Variants in PRR14L observed in about 807,000 individuals in gnomAD.
The protein encoded by PRR14L is protein PRR14L.
In PRR14L, 80 loss-of-function variants were observed where a neutral mutation model predicts 155.0. The ratio of observed to expected loss-of-function variants is 0.52; its 90% CI spans 0.43 to 0.62. The LOEUF (loss-of-function observed/expected upper bound fraction) is 0.62, where lower values mean the gene tolerates loss of function less well. Among genes scored for constraint, PRR14L ranks in the 20% least tolerant of loss-of-function variants. PRR14L has a pLI of 0.00. For synonymous variants in PRR14L, 883 were observed against 916.0 expected (o/e 0.96, Z 0.65); for missense variants, 2,469 against 2,548.0 (o/e 0.97, Z 0.67).
intron 4 of PRR14L, among the ~76,000 whole-genome samples, chr22:31,707,878 G>T (rs1240877409): frequency 6.6e-6 from 1 of 152,110 alleles, no homozygotes; most frequent in Admixed American, 6.5e-5. Flanking sequence ...GGCCGGGCGC[G>T]GTGGCTTACG....
rs1216589190 is a variant in PRR14L, at chr22:31,738,503, T to C, written c.358A>G (p.Lys120Glu). ...TGGCCCCCTGGATCTCTGAAGACCT[T>C]TGGCTCCATGCTCTCGCTTCTCTTT... ...RAKRSESMEP[K>E]VFRDPGGQAG... The change falls in exon 2 of 9, where the codon AAG becomes GAG. Residue 120 changes from lysine to glutamate, a missense_variant. Physicochemically the swap from Lys to Glu is moderately conservative, Grantham distance 56. Around this residue, in one of 2 missense-constraint regions of PRR14L, gnomAD observed 2,363 missense variants for 2,371.6 expected, o/e 1.00. Coordinates refer to ENST00000327423, the MANE Select transcript of PRR14L (RefSeq NM_173566.3). 3.9e-6 allele frequency: 6 copies of C among 1,551,988 alleles called. No homozygotes were observed. Among genetic ancestry groups the C allele is most frequent in the East Asian group, 2.4e-5 (1 of 40,932 alleles).
intron 7 of PRR14L, among the ~76,000 whole-genome samples, chr22:31,690,079 G>T (rs2074503640): frequency 6.6e-6 from 1 of 152,168 alleles, no homozygotes; most frequent in Admixed American, 6.5e-5. Flanking sequence ...ACCACACCCA[G>T]CTAATTTTTG....
chr22:31,702,282 G>A (rs2074566891), intron 6 of PRR14L, among the ~76,000 whole-genome samples: 1 of 151,976 alleles, frequency 6.6e-6, no homozygotes, highest in Admixed American at 6.6e-5. Flanking sequence ...AAATGCAATG[G>A]CATGGTCTTG....
Position 31,736,112 on chromosome 22 carries a change from A to G in PRR14L, c.474+2275T>C, listed in dbSNP as rs1172579480. On this transcript the variant is annotated intron_variant, in intron 2 of 8. Transcript: ENST00000327423. ...TGCATGCCTGTAGTCCCAGCTACTC[A>G]GGAGGCTGAGGCAGGAGAATGGCGT... 3.3e-5 allele frequency among the ~76,000 whole-genome samples: 5 copies of G among 149,716 alleles called. No individual in the cohort carries two copies. In the East Asian group the frequency reaches 9.8e-4, roughly 29 times the overall value.
At chr22:31,701,455 G>T (rs1269931528) in intron 7 of PRR14L, among the ~76,000 whole-genome samples, 1 of 152,084 alleles carries the variant, frequency 6.6e-6, no homozygotes, top group Non-Finnish European at 1.5e-5. Context: ...TCATTTGGAG[G>T]GTTTACTAAG....
At chr22:31,736,582 A>C (rs758928748) in intron 2 of PRR14L, among the ~76,000 whole-genome samples, 1 of 152,152 alleles carries the variant, frequency 6.6e-6, no homozygotes, top group Non-Finnish European at 1.5e-5. Context: ...CCCAAAGAAC[A>C]TATGAACCTG....
Position 31,733,339 on chromosome 22 carries a change from C to T in PRR14L, c.474+5048G>A, listed in dbSNP as rs131248. On this transcript the variant is annotated intron_variant, in intron 2 of 8. Transcript: ENST00000327423. Reference sequence around the variant, plus strand: ...TTTTTTTTTGAGACGGAGTCTCGCTCTGTCACTCAGGCTGGAGTGCAGTGG... The same window carrying T: ...TTTTTTTTTGAGACGGAGTCTCGCTTTGTCACTCAGGCTGGAGTGCAGTGG... 7.7e-3 allele frequency among the ~76,000 whole-genome samples: 897 copies of T among 116,060 alleles called. 12 individuals carry two copies. The highest frequency in any genetic ancestry group is 0.029 in the African/African-American group (829 of 28,418). 76.1% of individuals were successfully genotyped at this position (116,060 alleles called of 152,430 possible). A position where few individuals can be genotyped will look rare whatever the true frequency, so the allele number is the denominator to read the frequency against.
At chr22:31,722,645 C>T (rs1047267548) in intron 3 of PRR14L, among the ~76,000 whole-genome samples, 9 of 151,630 alleles carry the variant, frequency 5.9e-5, no homozygotes, top group Admixed American at 1.3e-4. Context: ...GCCTCAGCCT[C>T]CCAAGTAGCT....
At chr22:31,735,203 G>A (rs1481985643) in intron 2 of PRR14L, among the ~76,000 whole-genome samples, 2 of 152,238 alleles carry the variant, frequency 1.3e-5, no homozygotes, top group Non-Finnish European at 2.9e-5. Flanking sequence ...ACTTTGGGAG[G>A]CCGAGGTGGG....
chr22:31,690,953 TTTTTC>T (rs971179000), intron 7 of PRR14L, among the ~76,000 whole-genome samples: 6 of 143,772 alleles, frequency 4.2e-5, no homozygotes, highest in Admixed American at 3.5e-4. Context: ...AGCTAATTTT[TTTTTC>T]TTTTCTATTT....
intron 1 of PRR14L, among the ~76,000 whole-genome samples, chr22:31,749,357 C>T (rs547969418): frequency 2.0e-5 from 3 of 152,124 alleles, no homozygotes; most frequent in African/African-American, 4.8e-5. Context: ...GTGGACATCA[C>T]GAGGGGAGAG....
chr22:31,687,267 C>T (rs1254221144), intron 8 of PRR14L, among the ~76,000 whole-genome samples: 1 of 151,772 alleles, frequency 6.6e-6, no homozygotes, highest in Non-Finnish European at 1.5e-5. Context: ...AACTCCTGAC[C>T]TCAGGTGATT....
intron 5 of PRR14L, 57 bp downstream of exon 5, chr22:31,704,598 C>T (rs2074579797): frequency 2.1e-6 from 3 of 1,432,828 alleles, no homozygotes; most frequent in Non-Finnish European, 2.9e-6. Flanking sequence ...TATGCACTCT[C>T]TCTCTTGCAC....
chr22:31,732,040 T>G (rs1191055249), intron 2 of PRR14L, among the ~76,000 whole-genome samples: 1 of 152,210 alleles, frequency 6.6e-6, no homozygotes, highest in Admixed American at 6.5e-5. Flanking sequence ...TCTCCTACCC[T>G]TTCTATTCCA....
chr22:31,711,322 T>C (rs545974625), intron 4 of PRR14L, among the ~76,000 whole-genome samples: 1 of 150,808 alleles, frequency 6.6e-6, no homozygotes, highest in Admixed American at 6.6e-5. Flanking sequence ...AATACAAAAA[T>C]TAGCCAGGCA....
intron 8 of PRR14L, 43 bp from the exon 9 acceptor site, chr22:31,685,846 A>G (rs1432251171): frequency 6.5e-7 from 1 of 1,529,624 alleles, no homozygotes. Flanking sequence ...ACTGACTCAC[A>G]TGGCCCATCC....
chr22:31,698,968 T>C (rs1371375510), intron 7 of PRR14L, among the ~76,000 whole-genome samples: 1 of 152,068 alleles, frequency 6.6e-6, no homozygotes, highest in East Asian at 1.9e-4. Flanking sequence ...TGCATACACA[T>C]TTAGTAAAGC....
rs1402822245 is a variant in PRR14L, at chr22:31,715,037, G to A, written c.2802C>T (p.Asn934=). Residue 934 remains asparagine, a synonymous_variant, in exon 4 of 9, where the codon AAC becomes AAT. Transcript: ENST00000327423. The stretch of plus-strand genomic sequence containing the variant: ...CCAACACTTTTTCAGGACCTGGAAT[G>A]TTTACAGTCTGGTTTAGTTCTTGTA... ...HAIQELNQTV[N]IPGPEKVLDQ... The A allele has an allele frequency of 3.2e-6, 5 of 1,551,848 alleles. No individual in the cohort carries two copies. The South Asian group carries it at 5.9e-5, about 18-fold the overall frequency.
At chr22:31,722,247 T>C (rs758237266) in intron 3 of PRR14L, among the ~76,000 whole-genome samples, 34 of 151,772 alleles carry the variant, frequency 2.2e-4, no homozygotes, top group Non-Finnish European at 3.7e-4. Context: ...CTGGCCAACA[T>C]GGTAAAACTC....
Sources: gnomAD v4.1 joint callset for allele counts (sites outside exome capture counted in the v4.1 genomes callset) on GRCh38, gnomAD v4.1.1 for gene constraint, gnomAD v4.1.1 regional missense constraint, MANE v1.5 for transcripts, NCBI Gene and HGNC (gene_info 2026-07-23, HGNC 2026-07-21) for gene names.